Variants in MALT1 observed in about 807,000 individuals in gnomAD.
The protein encoded by MALT1 is MALT1 paracaspase, also known as mucosa-associated lymphoid tissue lymphoma translocation protein 1.
MALT1 carries 36 observed loss-of-function variants against 85.5 expected under a neutral mutation model. The ratio of observed to expected loss-of-function variants is 0.42; its 90% CI spans 0.32 to 0.56. The LOEUF is 0.56. Among genes scored for constraint, MALT1 ranks in the 20% least tolerant of loss-of-function variants. The pLI, the probability that MALT1 is intolerant of heterozygous loss-of-function variation, is 0.10. For missense variants in MALT1, 716 were observed against 981.6 expected (o/e 0.73, Z 3.62); for synonymous variants, 359 against 361.3 (o/e 0.99, Z 0.07).
chr18:58,679,080 C>T (rs2054282003), intron 1 of MALT1, among the ~76,000 whole-genome samples: 1 of 152,156 alleles, frequency 6.6e-6, no homozygotes, highest in African/African-American at 2.4e-5. Context: ...TCTTTTGTCT[C>T]CCCTTGAATG....
At chr18:58,705,306 G>GTA (rs977456317) in intron 4 of MALT1, among the ~76,000 whole-genome samples, 9 of 148,222 alleles carry the variant, frequency 6.1e-5, no homozygotes, top group African/African-American at 2.3e-4. Flanking sequence ...GTGTGTGTGT[G>GTA]TGTGTGTGTG....
rs137997977 is a variant in MALT1, at chr18:58,702,870, T to G, written c.649+2279T>G. Among the ~76,000 whole-genome samples, 183 of 152,314 alleles carry G rather than the reference T, an allele frequency of 1.2e-3. 3 individuals carry two copies. The highest frequency in any genetic ancestry group is 4.0e-3 in the African/African-American group (166 of 41,558). ...TGATCAAGACAAAAAACCAGTCTCCTCTAAAGAGTAGTTGTCAGATATTAT... is the reference window on the plus strand; with the variant it reads ...TGATCAAGACAAAAAACCAGTCTCCGCTAAAGAGTAGTTGTCAGATATTAT... On this transcript the variant is annotated intron_variant, in intron 4 of 16. Coordinates refer to ENST00000649217, the MANE Select transcript of MALT1 (RefSeq NM_006785.4).
At chr18:58,700,804 T>C (rs984771067) in intron 4 of MALT1, among the ~76,000 whole-genome samples, 7 of 152,208 alleles carry the variant, frequency 4.6e-5, no homozygotes, top group Non-Finnish European at 8.8e-5. Flanking sequence ...TTTGTTGTTT[T>C]TTAAGACAAA....
chr18:58,674,640 A>G (rs145489005), intron 1 of MALT1, among the ~76,000 whole-genome samples: 1 of 152,314 alleles, frequency 6.6e-6, no homozygotes, highest in Non-Finnish European at 1.5e-5. Context: ...TCTATTTAAG[A>G]CAAAAAAGTT....
chr18:58,718,330 T>C lies in MALT1; in HGVS notation c.1018+2363T>C, dbSNP rs558550667. Among the ~76,000 whole-genome samples the C allele has an allele frequency of 1.2e-4, 18 of 152,330 alleles. No individual in the cohort carries two copies. The East Asian group carries it at 3.3e-3, about 28-fold the overall frequency. On this transcript the variant is annotated intron_variant, in intron 9 of 16. Transcript: ENST00000649217. ...CACTAAACATTTATCTAATGTTTCA[T>C]CTGTGCTTTATGACAGGCATCCCCC...
At chr18:58,679,124 A>G (rs959260729) in intron 1 of MALT1, among the ~76,000 whole-genome samples, 2 of 152,218 alleles carry the variant, frequency 1.3e-5, no homozygotes, top group Non-Finnish European at 2.9e-5. Flanking sequence ...CTATAAAATG[A>G]TTACAATTCA....
In MALT1 at chr18:58,733,488, T is replaced by C. The variant is rs1568151203; in HGVS notation, c.1314T>C (p.Asn438=). The change falls in exon 11 of 17, where the codon AAT becomes AAC. Residue 438 remains asparagine (N), a synonymous_variant. Coordinates refer to ENST00000649217, the MANE Select transcript of MALT1 (RefSeq NM_006785.4). ...CTCCAAATCCATATAGGTCTGAAAA[T>C]TGTCTGTGTGTACAAAATATACTGA... ...VDAPNPYRSE[N]CLCVQNILKL... The C allele has an allele frequency of 6.2e-7, 1 of 1,613,354 alleles. No individual in the cohort carries two copies. Among genetic ancestry groups the C allele is most frequent in the East Asian group, 2.2e-5 (1 of 44,858 alleles).
chr18:58,720,158 A>G (rs2054964062), intron 9 of MALT1, among the ~76,000 whole-genome samples: 1 of 152,208 alleles, frequency 6.6e-6, no homozygotes. Flanking sequence ...TTTGTGTTCA[A>G]GAAGTTGTGG....
chr18:58,671,738 G>T lies in MALT1; in HGVS notation c.95G>T (p.Arg32Leu). The T allele has an allele frequency of 7.8e-7, 1 of 1,276,826 alleles. No individual in the cohort carries two copies. Among genetic ancestry groups the T allele is most frequent in the African/African-American group, 1.5e-5 (1 of 64,660 alleles). 79.1% of individuals were successfully genotyped at this position (1,276,826 alleles called of 1,614,324 possible). A position where few individuals can be genotyped will look rare whatever the true frequency, so the allele number is the denominator to read the frequency against. Residue 32 changes from arginine (R) to leucine (L), a missense_variant, in exon 1 of 17, where the codon CGC becomes CTC. By Grantham distance (102) the Arg-to-Leu change is moderately radical. Transcript: ENST00000649217. ...LAPPAGATLN[R>L]LREPLLRRLS... ...CCTCCGGCCGGCGCGACCCTCAACC[G>T]CCTGCGGGAGCCGCTGCTGCGGAGG...
intron 1 of MALT1, among the ~76,000 whole-genome samples, chr18:58,678,222 A>C (rs932970336): frequency 6.6e-6 from 1 of 152,216 alleles, no homozygotes; most frequent in Non-Finnish European, 1.5e-5. Flanking sequence ...TATAAATGCT[A>C]TGACAGCATC....
At position 58,717,008 on chromosome 18, in the gene MALT1, G is replaced by A. The variant is rs7232307; in HGVS notation, c.1018+1041G>A. Among the ~76,000 whole-genome samples, 923 of 152,268 alleles carry A rather than the reference G, an allele frequency of 6.1e-3. 10 individuals carry two copies. Among genetic ancestry groups the A allele is most frequent in the African/African-American group, 0.021 (874 of 41,560 alleles). On this transcript the variant is annotated intron_variant, in intron 9 of 16. Transcript: ENST00000649217. ...ACAGATAGATTTATTGGGAAGCTGA[G>A]GACATTTTTAGTTTATGTTTTTTGT... is the stretch of plus-strand genomic sequence containing the variant.
chr18:58,734,682 T>G (rs900916497), intron 12 of MALT1: 4 of 279,750 alleles, frequency 1.4e-5, no homozygotes, highest in African/African-American at 8.6e-5. Context: ...CGTAGAAAAT[T>G]TTAAATGATC....
intron 2 of MALT1, chr18:58,690,208 A>T (rs1568127789): frequency 6.6e-6 from 1 of 152,186 alleles, no homozygotes; most frequent in Non-Finnish European, 1.5e-5. Context: ...CTTTTTCATT[A>T]TATCTGTCGT....
intron 9 of MALT1, among the ~76,000 whole-genome samples, chr18:58,718,276 A>G (rs1323965074): frequency 6.6e-6 from 1 of 152,226 alleles, no homozygotes; most frequent in Non-Finnish European, 1.5e-5. Context: ...GATAAATGGA[A>G]TATCAGGTCA....
chr18:58,747,227 A>C (rs1348967295), intron 16 of MALT1, among the ~76,000 whole-genome samples, 178 bp from the exon 17 acceptor site: 5 of 152,174 alleles, frequency 3.3e-5, no homozygotes, highest in African/African-American at 1.2e-4. Flanking sequence ...AAAGGAAGAT[A>C]ATGATAGCTG....
intron 1 of MALT1, among the ~76,000 whole-genome samples, chr18:58,679,824 C>T (rs368651008): frequency 1.2e-4 from 19 of 152,194 alleles, no homozygotes; most frequent in East Asian, 5.8e-4. Context: ...GCTGGGATTA[C>T]GGGTGTGAGC....
intron 7 of MALT1, among the ~76,000 whole-genome samples, chr18:58,713,562 G>A (rs2054861315): frequency 6.6e-6 from 1 of 152,136 alleles, no homozygotes; most frequent in African/African-American, 2.4e-5. Flanking sequence ...GTGAGATCCT[G>A]AATGGAGTCC....
At chr18:58,696,253 A>C in intron 2 of MALT1, 113 bp from the exon 3 acceptor site, 4 of 857,452 alleles carry the variant, frequency 4.7e-6, no homozygotes, top group Non-Finnish European at 6.5e-6. Flanking sequence ...ATTTATGACA[A>C]AGATAAATAT....
At chr18:58,686,759 A>C (rs151230682) in intron 2 of MALT1, among the ~76,000 whole-genome samples, 3 of 152,328 alleles carry the variant, frequency 2.0e-5, no homozygotes, top group African/African-American at 7.2e-5. Flanking sequence ...TTATCTCTAA[A>C]ATAAGTGCAA....
Sources: gnomAD v4.1 joint callset for allele counts (sites outside exome capture counted in the v4.1 genomes callset) on GRCh38, gnomAD v4.1.1 for gene constraint, MANE v1.5 for transcripts, NCBI Gene and HGNC (gene_info 2026-07-23, HGNC 2026-07-21) for gene names.